The following A2ML1 variants were observed in gnomAD, a reference collection of about 807,000 sequenced individuals.
The protein encoded by A2ML1 is alpha-2-macroglobulin like 1.
A neutral mutation model predicts 181.9 loss-of-function variants in A2ML1; 161 were observed. That is an observed-to-expected ratio of 0.89 (90% CI 0.78 to 1.01). The LOEUF is 1.01. Ranked by LOEUF, A2ML1 falls within the 50% of genes least tolerant of loss-of-function variation. The pLI, the probability that A2ML1 is intolerant of heterozygous loss-of-function variation, is 0.00. For missense variants in A2ML1, 1,670 were observed against 1,768.1 expected (o/e 0.94, Z 1.00); for synonymous variants, 663 against 666.8 (o/e 0.99, Z 0.09).
In A2ML1 at chr12:8,874,980, C is replaced by T. The variant is rs200447138; in HGVS notation, c.4334C>T (p.Ala1445Val). 1 of 1,614,050 alleles carries T rather than the reference C, an allele frequency of 6.2e-7. No homozygotes were observed. Among genetic ancestry groups the T allele is most frequent in the Non-Finnish European group, 8.5e-7 (1 of 1,179,968 alleles). The change falls in exon 35 of 36, where the codon GCA becomes GTA. Residue 1445 changes from alanine to valine, a missense_variant. Ala to Val is a moderately conservative substitution (Grantham distance 64). Transcript: ENST00000299698. The stretch of plus-strand genomic sequence containing the variant: ...TTATTTCATTTCACAGATGAACAGG[C>T]AACAATTCAGTATTCTGATCCCTGT... ...VYDYYLPDEQATIQYSDPCE is the reference protein window; with the variant it reads ...VYDYYLPDEQVTIQYSDPCE
At chr12:8,841,007 G>GAAGA (rs1943456404) in intron 10 of A2ML1, among the ~76,000 whole-genome samples, 2 of 80,786 alleles carry the variant, frequency 2.5e-5, no homozygotes, top group African/African-American at 3.6e-5. Context: ...AGGAAGGAAG[G>GAAGA]AAGGACGGAA....
intron 28 of A2ML1, among the ~76,000 whole-genome samples, chr12:8,863,504 T>G (rs764590209): frequency 2.7e-4 from 41 of 152,342 alleles, no homozygotes; most frequent in African/African-American, 9.1e-4. Flanking sequence ...GAAGCTTCTA[T>G]TTACCTATTT....
intron 4 of A2ML1, among the ~76,000 whole-genome samples, chr12:8,832,978 C>CTTTTTT (rs1565464785): frequency 2.7e-5 from 1 of 37,456 alleles, no homozygotes; most frequent in African/African-American, 8.5e-5. Flanking sequence ...ATGCTACTTT[C>CTTTTTT]CTTTTTTTTT....
At chr12:8,841,678 A>G in intron 11 of A2ML1, 142 bp downstream of exon 11, 2 of 793,506 alleles carry the variant, frequency 2.5e-6, no homozygotes, top group Non-Finnish European at 3.9e-6. Flanking sequence ...GTTGACAAAA[A>G]GTTTTCCTTA....
rs1776003170 is a variant in A2ML1, at chr12:8,861,203, A to G, written c.3408A>G (p.Thr1136=). ...NSATSTTNLY[T]QALLAYIFSL... is the part of the protein sequence containing the mutation. ...CCACCTCCACGACCAACCTCTACAC[A>G]CAGGCCCTGTTGGCTTACATTTTCT... Residue 1136 remains threonine (T), a synonymous_variant, in exon 28 of 36, where the codon ACA becomes ACG. Coordinates refer to ENST00000299698, the MANE Select transcript of A2ML1 (RefSeq NM_144670.6). 2.5e-6 allele frequency: 4 copies of G among 1,614,124 alleles called. No homozygotes were observed. The highest frequency in any genetic ancestry group is 3.4e-6 in the Non-Finnish European group (4 of 1,180,036).
At position 8,823,167 on chromosome 12, in the gene A2ML1, C is replaced by A; in HGVS notation, c.63-15C>A. ...GAATCATTATTGCCCTGAAATCCTTCTGCTCCTTTAATAGAAACTACCTGG... is the reference window on the plus strand; with the variant it reads ...GAATCATTATTGCCCTGAAATCCTTATGCTCCTTTAATAGAAACTACCTGG... On this transcript the variant is annotated splice_polypyrimidine_tract_variant and intron_variant, in intron 1 of 35. Coordinates refer to ENST00000299698, the MANE Select transcript of A2ML1 (RefSeq NM_144670.6). 6.2e-7 allele frequency: 1 copy of A among 1,610,766 alleles called. No individual in the cohort carries two copies. The highest frequency in any genetic ancestry group is 8.5e-7 in the Non-Finnish European group (1 of 1,178,530).
At position 8,868,600 on chromosome 12, in the gene A2ML1, C is replaced by A. The variant is rs748390950; in HGVS notation, c.4125C>A (p.Phe1375Leu). ...AIVEVKMLSG[F>L]SPMEGTNQLL... ...TGGAAGTGAAGATGCTATCTGGGTT[C>A]AGTCCCATGGAGGGCACCAATCAGT... Residue 1375 changes from phenylalanine (F) to leucine (L), a missense_variant, in exon 32 of 36, where the codon TTC becomes TTA. Coordinates refer to ENST00000299698, the MANE Select transcript of A2ML1 (RefSeq NM_144670.6). The A allele has an allele frequency of 6.2e-7, 1 of 1,613,776 alleles. No individual in the cohort carries two copies. The highest frequency in any genetic ancestry group is 8.5e-7 in the Non-Finnish European group (1 of 1,179,996).
At chr12:8,825,207 C>T (rs149144525) in intron 3 of A2ML1, among the ~76,000 whole-genome samples, 290 of 152,210 alleles carry the variant, frequency 1.9e-3, no homozygotes, top group African/African-American at 6.6e-3. Context: ...TTTACATTCC[C>T]ACCAACAGTG....
At chr12:8,857,842 C>G in intron 25 of A2ML1, 104 bp from the exon 26 acceptor site, 1 of 1,485,946 alleles carries the variant, frequency 6.7e-7, no homozygotes. Flanking sequence ...CATATGTTCC[C>G]TCAGCTCCCC....
rs766300720 is a variant in A2ML1, at chr12:8,843,251, C to T, written c.1366C>T (p.His456Tyr). The T allele has an allele frequency of 3.1e-6, 5 of 1,614,218 alleles. No individual in the cohort carries two copies. Among genetic ancestry groups the T allele is most frequent in the Non-Finnish European group, 4.2e-6 (5 of 1,180,044 alleles). ...YSTTRSFLGI[H>Y]RLNGPLKCGQ... The stretch of plus-strand genomic sequence containing the variant: ...CACAACCCGCAGCTTCCTTGGCATC[C>T]ACCGGCTAAACGGCCCCTTGAAATG... Residue 456 changes from histidine to tyrosine, a missense_variant, in exon 12 of 36, where the codon CAC (histidine) becomes TAC (tyrosine). Transcript: ENST00000299698.
chr12:8,850,161 A>G lies in A2ML1; in HGVS notation c.2121A>G (p.Ala707=). The change falls in exon 18 of 36, where the codon GCA becomes GCG. Residue 707 remains alanine, a splice_region_variant and synonymous_variant. Transcript: ENST00000299698. ...RSPEYSTAMG[A]GGGHPEAFES... Reference sequence around the variant, plus strand: ...TTTTCGTATTCTCAATTTCATCAGCAGGCGGTGGTCATCCAGAGGCTTTTG... The same window carrying G: ...TTTTCGTATTCTCAATTTCATCAGCGGGCGGTGGTCATCCAGAGGCTTTTG... 1 of 1,600,074 alleles carries G rather than the reference A, an allele frequency of 6.2e-7. No individual in the cohort carries two copies. Among genetic ancestry groups the G allele is most frequent in the Non-Finnish European group, 8.5e-7 (1 of 1,176,070 alleles).
chr12:8,855,038 G>A (rs1317551970), intron 22 of A2ML1, among the ~76,000 whole-genome samples: 7 of 152,070 alleles, frequency 4.6e-5, no homozygotes, highest in Non-Finnish European at 7.3e-5. Flanking sequence ...GGGACTACAG[G>A]TACATGCCAC....
Position 8,874,456 on chromosome 12 carries a change from C to G in A2ML1, c.4253C>G (p.Thr1418Ser). The change falls in exon 34 of 36, where the codon ACC becomes AGC. Residue 1418 changes from threonine (T) to serine (S), a missense_variant. Transcript: ENST00000299698. ...LIKNTQTYTF[T>S]ISQSVLVTNL... The stretch of plus-strand genomic sequence containing the variant: ...AAGAACACTCAGACTTACACCTTCA[C>G]CATCAGCCAAAGTGTGCTGGTCACC... 6.2e-7 allele frequency: 1 copy of G among 1,614,112 alleles called. No individual in the cohort carries two copies. The highest frequency in any genetic ancestry group is 8.5e-7 in the Non-Finnish European group (1 of 1,179,996).
chr12:8,861,053 A>G, intron 27 of A2ML1, 82 bp from the exon 28 acceptor site: 1 of 1,606,812 alleles, frequency 6.2e-7, no homozygotes, highest in East Asian at 2.2e-5. Flanking sequence ...TTTAAGGTCA[A>G]GAAGGATAAG....
downstream of A2ML1, among the ~76,000 whole-genome samples, chr12:8,881,726 G>A (rs749437966): frequency 2.6e-5 from 4 of 152,014 alleles, no homozygotes; most frequent in Non-Finnish European, 5.9e-5. Context: ...CATTAAGTTT[G>A]AGTGGCTGGG....
At chr12:8,859,926 C>A (rs1040956176) in intron 26 of A2ML1, among the ~76,000 whole-genome samples, 1 of 151,966 alleles carries the variant, frequency 6.6e-6, no homozygotes, top group Non-Finnish European at 1.5e-5. Context: ...TCTGTGTAGC[C>A]AAGGTTAGTG....
rs1330381967 is a variant in A2ML1 at position 8,848,794 on chromosome 12, TG to T, written c.1910del (p.Gly637AlafsTer44). On this transcript the variant is annotated frameshift_variant, in exon 16 of 36. Transcript: ENST00000299698. LOFTEE classifies it high-confidence loss of function. ...VAEYDQCPVS[G>X]PWDFPQPLID... The stretch of plus-strand genomic sequence containing the variant: ...CTGAGTATGATCAGTGTCCAGTGTC[TG>T]GCCCATGGGACTTTCCTCAGCCCCT... 4.3e-6 allele frequency: 7 copies of T among 1,614,178 alleles called. No homozygotes were observed. In the East Asian group the frequency reaches 1.6e-4, roughly 36 times the overall value.
At chr12:8,840,791 C>A (rs1190849286) in intron 10 of A2ML1, among the ~76,000 whole-genome samples, 6 of 151,736 alleles carry the variant, frequency 4.0e-5, no homozygotes, top group African/African-American at 1.5e-4. Context: ...GCCTATAGTC[C>A]CACTACTTGG....
chr12:8,850,471 G>A lies in A2ML1; in HGVS notation c.2234+197G>A, dbSNP rs73038760. Among the ~76,000 whole-genome samples, 656 of 152,246 alleles carry A rather than the reference G, an allele frequency of 4.3e-3. 3 individuals carry two copies. Among genetic ancestry groups the A allele is most frequent in the Non-Finnish European group, 7.3e-3 (499 of 68,012 alleles). ...ATGGTAGTTGTGTCCTACTTGGAAG[G>A]CTGAGGTGGAAGGATCACTTGAGTC... On this transcript the variant is annotated intron_variant, in intron 18 of 35. Coordinates refer to ENST00000299698, the MANE Select transcript of A2ML1 (RefSeq NM_144670.6).
Sources: gnomAD v4.1 joint callset for allele counts (sites outside exome capture counted in the v4.1 genomes callset) on GRCh38, gnomAD v4.1.1 for gene constraint, MANE v1.5 for transcripts, NCBI Gene and HGNC (gene_info 2026-07-23, HGNC 2026-07-21) for gene names.